PPFIA1: variants seen among roughly 807,000 people sequenced by gnomAD.
PPFIA1 encodes liprin-alpha-1.
In PPFIA1, 25 loss-of-function variants were observed where a neutral mutation model predicts 149.9. The ratio of observed to expected loss-of-function variants is 0.17; its 90% CI spans 0.12 to 0.23. The LOEUF is 0.23. Ranked by LOEUF, PPFIA1 falls within the 10% of genes least tolerant of loss-of-function variation. PPFIA1 has a pLI of 1.00. For missense variants in PPFIA1, 1,362 were observed against 1,506.5 expected (o/e 0.90, Z 1.59); for synonymous variants, 549 against 552.8 (o/e 0.99, Z 0.10).
intron 2 of PPFIA1, among the ~76,000 whole-genome samples, chr11:70,278,586 A>G (rs79372599): frequency 3.9e-5 from 6 of 152,094 alleles, no homozygotes; most frequent in Non-Finnish European, 8.8e-5. Flanking sequence ...CAGAGTGGAA[A>G]TAATGTTTGT....
rs1399220416 is a variant in PPFIA1, at chr11:70,335,581, A to C, written c.1315A>C (p.Met439Leu). ...ELQRARQREK[M>L]NEEHNKRLSD... The stretch of plus-strand genomic sequence containing the variant: ...GCTTTAGGCAAGGCAAAGAGAAAAA[A>C]TGAACGAAGAACATAATAAACGTTT... Residue 439 changes from methionine to leucine, a missense_variant, in exon 11 of 28, where the codon ATG becomes CTG. Physicochemically the swap from Met to Leu is conservative, Grantham distance 15. Around this residue, in one of 7 missense-constraint regions of PPFIA1, gnomAD observed 733 missense variants for 744.1 expected, o/e 0.99. Transcript: ENST00000253925. 1 of 1,613,964 alleles carries C rather than the reference A, an allele frequency of 6.2e-7. No individual in the cohort carries two copies.
At chr11:70,304,255 A>G (rs2052693711) in intron 2 of PPFIA1, among the ~76,000 whole-genome samples, 1 of 152,040 alleles carries the variant, frequency 6.6e-6, no homozygotes, top group African/African-American at 2.4e-5. Flanking sequence ...GAGGGCATGG[A>G]AGCTCTGCAC....
At chr11:70,272,483 GT>G in intron 2 of PPFIA1, 47 bp downstream of exon 2, 4 of 1,523,560 alleles carry the variant, frequency 2.6e-6, no homozygotes, top group East Asian at 2.3e-5. Flanking sequence ...TCCACTAAAT[GT>G]TTTTTTATTA....
chr11:70,290,247 A>AT (rs2051438707), intron 2 of PPFIA1, among the ~76,000 whole-genome samples: 1 of 152,022 alleles, frequency 6.6e-6, no homozygotes, highest in South Asian at 2.1e-4. Flanking sequence ...AAAGTTTATT[A>AT]TTTTTCAAAC....
At chr11:70,379,017 C>T (rs1213414775) in intron 26 of PPFIA1, among the ~76,000 whole-genome samples, 2 of 152,190 alleles carry the variant, frequency 1.3e-5, no homozygotes, top group African/African-American at 2.4e-5. Flanking sequence ...ACCCTGGCCT[C>T]GGTCTCCCCA....
intron 21 of PPFIA1, among the ~76,000 whole-genome samples, chr11:70,363,988 T>A (rs2056794630): frequency 6.6e-6 from 1 of 152,200 alleles, no homozygotes; most frequent in South Asian, 2.1e-4. Flanking sequence ...GACTCCCAAG[T>A]AGCTGTGACT....
chr11:70,372,105 A>G, intron 21 of PPFIA1, 110 bp from the exon 22 acceptor site: 1 of 913,834 alleles, frequency 1.1e-6, no homozygotes, highest in Non-Finnish European at 1.6e-6. Flanking sequence ...AATTATCATT[A>G]GTTTAGCCTT....
Position 70,332,107 on chromosome 11 carries a change from G to A in PPFIA1, c.1212+13G>A, listed in dbSNP as rs1461255418. On this transcript the variant is annotated intron_variant, in intron 9 of 27. Coordinates refer to ENST00000253925, the MANE Select transcript of PPFIA1 (RefSeq NM_003626.5). The stretch of plus-strand genomic sequence containing the variant: ...AGCGCTTTCCAAGGTAGTGCCATGA[G>A]CTTCATTCTGGTTCGGCTGCCAGGC... 2 of 1,575,648 alleles carry A rather than the reference G, an allele frequency of 1.3e-6. No individual in the cohort carries two copies. The highest frequency in any genetic ancestry group is 3.9e-5 in the Admixed American group (2 of 51,516).
intron 4 of PPFIA1, 100 bp downstream of exon 4, chr11:70,325,111 T>C: frequency 8.4e-7 from 1 of 1,197,586 alleles, no homozygotes; most frequent in Non-Finnish European, 1.1e-6. Flanking sequence ...CTTCTTGAAT[T>C]CTTGGAAATA....
At chr11:70,353,736 A>G (rs1157573613) in intron 16 of PPFIA1, among the ~76,000 whole-genome samples, 1 of 152,218 alleles carries the variant, frequency 6.6e-6, no homozygotes, top group Non-Finnish European at 1.5e-5. Context: ...CCAAACATTG[A>G]GAAATATGAG....
At chr11:70,351,994 C>T (rs1045633500) in intron 16 of PPFIA1, among the ~76,000 whole-genome samples, 1 of 152,116 alleles carries the variant, frequency 6.6e-6, no homozygotes, top group Non-Finnish European at 1.5e-5. Flanking sequence ...TTATGTTGAC[C>T]CCAAATCTCT....
chr11:70,323,281 C>G (rs1204738710), intron 2 of PPFIA1, among the ~76,000 whole-genome samples: 1 of 152,118 alleles, frequency 6.6e-6, no homozygotes, highest in Non-Finnish European at 1.5e-5. Flanking sequence ...GAATGACGCC[C>G]CTGGTCTTAT....
In PPFIA1 at chr11:70,287,142, C is replaced by T. The variant is rs145322153; in HGVS notation, c.264+14706C>T. Among the ~76,000 whole-genome samples the T allele has an allele frequency of 2.0e-4, 31 of 151,798 alleles. No homozygotes were observed. The Middle Eastern group carries it at 0.01, about 50-fold the overall frequency. On this transcript the variant is annotated intron_variant, in intron 2 of 27. Coordinates refer to ENST00000253925, the MANE Select transcript of PPFIA1 (RefSeq NM_003626.5). ...TGCTGGGATTACAGGCGTGAGCCAC[C>T]ACGCCGGGCCAAGATCTTTCTAAAA...
intron 5 of PPFIA1, 139 bp from the exon 6 acceptor site, chr11:70,326,123 G>C (rs1465877662): frequency 3.1e-5 from 18 of 571,800 alleles, no homozygotes; most frequent in Non-Finnish European, 3.1e-5. Context: ...TTTCGGATTG[G>C]GTAGCATTGC....
intron 2 of PPFIA1, among the ~76,000 whole-genome samples, chr11:70,304,861 C>G (rs1242469231): frequency 6.6e-6 from 1 of 152,174 alleles, no homozygotes; most frequent in Non-Finnish European, 1.5e-5. Flanking sequence ...TTTTCCTATC[C>G]TCATTAGCCA....
chr11:70,376,407 G>A (rs1386974068), intron 24 of PPFIA1, 125 bp from the exon 25 acceptor site: 43 of 930,516 alleles, frequency 4.6e-5, no homozygotes, highest in African/African-American at 6.6e-5. Flanking sequence ...AATTACAGGC[G>A]TGAGCCACCA....
At chr11:70,331,128 A>G (rs1468462566) in intron 8 of PPFIA1, among the ~76,000 whole-genome samples, 1 of 151,720 alleles carries the variant, frequency 6.6e-6, no homozygotes, top group Non-Finnish European at 1.5e-5. Flanking sequence ...GCTGCTACTC[A>G]GGAGGCTGAG....
At chr11:70,293,402 G>A (rs2051672072) in intron 2 of PPFIA1, among the ~76,000 whole-genome samples, 1 of 152,170 alleles carries the variant, frequency 6.6e-6, no homozygotes, top group Admixed American at 6.5e-5. Flanking sequence ...CCATCATAAC[G>A]TTAAAATTTG....
intron 2 of PPFIA1, among the ~76,000 whole-genome samples, chr11:70,295,716 G>A (rs1412518330): frequency 6.7e-6 from 1 of 149,752 alleles, no homozygotes; most frequent in East Asian, 2.0e-4. Flanking sequence ...CCCGGACGGG[G>A]CGGCTGGCCG....
Sources: gnomAD v4.1 joint callset for allele counts (sites outside exome capture counted in the v4.1 genomes callset) on GRCh38, gnomAD v4.1.1 for gene constraint, gnomAD v4.1.1 regional missense constraint, MANE v1.5 for transcripts, NCBI Gene and HGNC (gene_info 2026-07-23, HGNC 2026-07-21) for gene names.